ZAP70: variants seen among roughly 807,000 people sequenced by gnomAD.
ZAP70 encodes the protein zeta chain of T cell receptor associated protein kinase 70.
A neutral mutation model predicts 65.8 loss-of-function variants in ZAP70; 27 were observed. The observed-to-expected ratio is 0.41, with a 90% confidence interval of 0.30 to 0.57. The LOEUF (loss-of-function observed/expected upper bound fraction) is 0.57, where lower values mean the gene tolerates loss of function less well. Ranked by LOEUF, ZAP70 falls within the 20% of genes least tolerant of loss-of-function variation. ZAP70 has a pLI of 0.28. For synonymous variants in ZAP70, 363 were observed against 360.8 expected (o/e 1.01, Z -0.07); for missense variants, 696 against 870.5 (o/e 0.80, Z 2.52).
chr2:97,750,681 T>G, the ZAP70 span, among the ~76,000 whole-genome samples: 1 of 152,234 alleles, frequency 6.6e-6, no homozygotes, highest in African/African-American at 2.4e-5. Context: ...GCCAGCTGGG[T>G]TGGCTTTAGA....
At chr2:97,718,046 A>G (rs939027776) in intron 2 of ZAP70, among the ~76,000 whole-genome samples, 3 of 152,210 alleles carry the variant, frequency 2.0e-5, no homozygotes, top group African/African-American at 2.4e-5. Context: ...CTCAAGAGGA[A>G]GCTGACTGGG....
chr2:97,728,545 C>T (rs1264247894), intron 4 of ZAP70, among the ~76,000 whole-genome samples: 7 of 152,176 alleles, frequency 4.6e-5, no homozygotes, highest in Non-Finnish European at 8.8e-5. Flanking sequence ...GAGAAAGACA[C>T]GTGCTACTCA....
In ZAP70 at chr2:97,725,208, C is replaced by G. The variant is rs759485019; in HGVS notation, c.519C>G (p.Ala173=). ...ACAGCAGCCTGACGCGTGAGGAGGC[C>G]GAGCGCAAACTTTACTCTGGGGCGC... is the stretch of plus-strand genomic sequence containing the variant. ...WYHSSLTREE[A]ERKLYSGAQT... is the part of the protein sequence containing the mutation. The change falls in exon 4 of 14, where the codon GCC becomes GCG. Residue 173 remains alanine (A), a synonymous_variant. Transcript: ENST00000264972. 21 of 1,614,010 alleles carry G rather than the reference C, an allele frequency of 1.3e-5. No individual in the cohort carries two copies. In the South Asian group the frequency reaches 2.2e-4, roughly 17 times the overall value.
intron 13 of ZAP70, among the ~76,000 whole-genome samples, chr2:97,738,835 A>G (rs948208082): frequency 1.3e-5 from 2 of 151,944 alleles, no homozygotes; most frequent in Non-Finnish European, 2.9e-5. Context: ...CCAGGGCACC[A>G]CACCCCAGTA....
chr2:97,747,931 A>G, the ZAP70 span, among the ~76,000 whole-genome samples: 12 of 145,126 alleles, frequency 8.3e-5, no homozygotes, highest in African/African-American at 3.1e-4. Flanking sequence ...ATGTCTGCCA[A>G]CTCTAATGCA....
the ZAP70 span, among the ~76,000 whole-genome samples, chr2:97,747,570 TG>T: frequency 6.6e-6 from 1 of 152,082 alleles, no homozygotes; most frequent in Non-Finnish European, 1.5e-5. Flanking sequence ...GGAAGGACAG[TG>T]GGTAGTGACT....
chr2:97,741,158 G>T (rs1678117285), downstream of ZAP70, among the ~76,000 whole-genome samples: 1 of 152,174 alleles, frequency 6.6e-6, no homozygotes, highest in Non-Finnish European at 1.5e-5. Flanking sequence ...TAGAAGCAAG[G>T]AGCCAGCAAG....
chr2:97,742,107 G>T (rs1338727454), downstream of ZAP70, among the ~76,000 whole-genome samples: 3 of 152,216 alleles, frequency 2.0e-5, no homozygotes, highest in Admixed American at 1.3e-4. Context: ...GGGCTGGAAG[G>T]CTGAGTTTGG....
At chr2:97,734,124 T>C (rs972573427) in intron 8 of ZAP70, 6 of 287,932 alleles carry the variant, frequency 2.1e-5, no homozygotes, top group Non-Finnish European at 3.3e-5. Context: ...AGAAGACACA[T>C]AGTTACATGT....
intron 8 of ZAP70, 40 bp from the exon 9 acceptor site, chr2:97,734,480 C>A (rs748259677): frequency 6.3e-7 from 1 of 1,591,898 alleles, no homozygotes; most frequent in Non-Finnish European, 8.6e-7. Context: ...TCCCCACACC[C>A]CTGCCCCTGA....
Position 97,725,262 on chromosome 2 carries a change from G to T in ZAP70, c.563+10G>T. 1 of 1,611,870 alleles carries T rather than the reference G, an allele frequency of 6.2e-7. No individual in the cohort carries two copies. On this transcript the variant is annotated intron_variant, in intron 4 of 13. Coordinates refer to ENST00000264972, the MANE Select transcript of ZAP70 (RefSeq NM_001079.4). ...CCGACGGCAAGTTCCTGTATGTGGG[G>T]CCCGGGATTTGGGTGCGGTGAGGAT...
chr2:97,733,933 TG>T (rs1371837120), intron 8 of ZAP70: 1 of 437,270 alleles, frequency 2.3e-6, no homozygotes, highest in African/African-American at 2.0e-5. Flanking sequence ...GAAGTGGCTA[TG>T]GTGATTAACC....
rs770705407 is a variant in ZAP70, at chr2:97,724,228, G to C, written c.192G>C (p.Gln64His). ...TCCACCACTTTCCCATCGAGCGCCAGCTCAACGGCACCTACGCCATTGCCG... is the reference window on the plus strand; with the variant it reads ...TCCACCACTTTCCCATCGAGCGCCACCTCAACGGCACCTACGCCATTGCCG... ...VRFHHFPIER[Q>H]LNGTYAIAGG... The change falls in exon 3 of 14, where the codon CAG becomes CAC. Residue 64 changes from glutamine (Q) to histidine (H), a missense_variant. This residue lies in a region of ZAP70 where 551 missense variants were observed against 630.0 expected (regional missense o/e 0.87). Transcript: ENST00000264972. 8.7e-6 allele frequency: 14 copies of C among 1,602,776 alleles called. No individual in the cohort carries two copies. The Middle Eastern group carries it at 4.9e-4, about 57-fold the overall frequency.
intron 3 of ZAP70, chr2:97,724,654 G>A (rs1280255132): frequency 5.9e-6 from 9 of 1,530,614 alleles, no homozygotes; most frequent in Non-Finnish European, 7.9e-6. Context: ...GCTGAGCGAT[G>A]CTATGGTGCT....
downstream of ZAP70, among the ~76,000 whole-genome samples, chr2:97,740,137 G>A (rs1678087462): frequency 6.6e-6 from 1 of 152,122 alleles, no homozygotes; most frequent in Non-Finnish European, 1.5e-5. Flanking sequence ...CCCCATGCCA[G>A]GTGCACGTTA....
downstream of ZAP70, among the ~76,000 whole-genome samples, chr2:97,744,531 G>A (rs1165617292): frequency 1.3e-5 from 2 of 152,290 alleles, no homozygotes; most frequent in South Asian, 4.2e-4. Flanking sequence ...TTAGCACTTA[G>A]TAGCTGCTTA....
chr2:97,728,155 A>G (rs996114358), intron 4 of ZAP70, among the ~76,000 whole-genome samples: 1 of 152,244 alleles, frequency 6.6e-6, no homozygotes, highest in Non-Finnish European at 1.5e-5. Flanking sequence ...GCTTAGAGTC[A>G]ACCAGTCTGC....
At chr2:97,719,402 T>C (rs530887571) in intron 2 of ZAP70, among the ~76,000 whole-genome samples, 1 of 150,760 alleles carries the variant, frequency 6.6e-6, no homozygotes, top group Non-Finnish European at 1.5e-5. Flanking sequence ...GCCAGGGAGT[T>C]TGTGAAGGAC....
At chr2:97,718,195 G>C (rs1677017249) in intron 2 of ZAP70, among the ~76,000 whole-genome samples, 1 of 152,168 alleles carries the variant, frequency 6.6e-6, no homozygotes. Flanking sequence ...CTCATGGTGG[G>C]TGTGTCTTCT....
Sources: allele counts gnomAD v4.1 joint callset (sites outside exome capture counted in the v4.1 genomes callset), GRCh38; gene constraint gnomAD v4.1.1; regional missense constraint gnomAD v4.1.1; transcripts MANE v1.5; gene names NCBI Gene and HGNC (gene_info 2026-07-23, HGNC 2026-07-21).